SLC35F5: variants seen among roughly 807,000 people sequenced by gnomAD.
SLC35F5 encodes solute carrier family 35 member F5, also known as HCV NS5A-transactivated protein 3.
Under a neutral mutation model 68.6 loss-of-function variants are expected in SLC35F5, and 54 were observed. That is an observed-to-expected ratio of 0.79 (90% confidence interval 0.63 to 0.99). The LOEUF (loss-of-function observed/expected upper bound fraction) is 0.99, where lower values mean the gene tolerates loss of function less well. SLC35F5 is among the 50% of genes least tolerant of loss of function. The pLI, the probability that SLC35F5 is intolerant of heterozygous loss-of-function variation, is 0.00. For synonymous variants in SLC35F5, 211 were observed against 205.2 expected (o/e 1.03, Z -0.24); for missense variants, 567 against 626.9 (o/e 0.90, Z 1.02).
At chr2:113,755,578 G>A in intron 1 of SLC35F5, 34 bp from the exon 2 acceptor site, 1 of 1,559,368 alleles carries the variant, frequency 6.4e-7, no homozygotes, top group Non-Finnish European at 8.8e-7. Context: ...CTATGAAAAC[G>A]TGAATAACTC....
intron 10 of SLC35F5, among the ~76,000 whole-genome samples, chr2:113,729,869 G>A (rs1687815521): frequency 1.3e-5 from 2 of 151,962 alleles, no homozygotes; most frequent in East Asian, 3.8e-4. Flanking sequence ...TTGACACCTG[G>A]CATTTTCCAA....
chr2:113,733,293 C>T lies in SLC35F5; in HGVS notation c.920+1293G>A, dbSNP rs542591792. On this transcript the variant is annotated intron_variant, in intron 9 of 15. Coordinates refer to ENST00000245680, the MANE Select transcript of SLC35F5 (RefSeq NM_025181.5). ...TTTACAAAACCAGCAGCTGACCCAACATAGTTTGCCAACCTCTGTTCGTCT... is the reference window on the plus strand; with the variant it reads ...TTTACAAAACCAGCAGCTGACCCAATATAGTTTGCCAACCTCTGTTCGTCT... The T allele has an allele frequency of 3.6e-5, 9 of 252,458 alleles. No individual in the cohort carries two copies. In the East Asian group the frequency reaches 1.1e-3, roughly 31 times the overall value. The allele number at this position is 252,458 out of a possible 1,614,324, so 15.6% of individuals were successfully genotyped here.
chr2:113,743,453 ATGTG>A (rs1022346676), intron 6 of SLC35F5, among the ~76,000 whole-genome samples: 9 of 152,176 alleles, frequency 5.9e-5, no homozygotes, highest in African/African-American at 2.2e-4. Flanking sequence ...CGTGTGATGC[ATGTG>A]TGTATGTGTG....
chr2:113,727,870 A>G (rs17632133), intron 11 of SLC35F5, among the ~76,000 whole-genome samples: 5,816 of 152,320 alleles, frequency 0.038, 164 homozygotes, highest in Non-Finnish European at 0.058. Flanking sequence ...CAAGTTGTCA[A>G]TGTATAAATT....
chr2:113,742,944 T>C (rs540622828), intron 6 of SLC35F5, 65 bp from the exon 7 acceptor site: 11 of 1,432,470 alleles, frequency 7.7e-6, no homozygotes, highest in Admixed American at 1.8e-5. Context: ...TCACAAGTTT[T>C]AATTTACTGA....
chr2:113,737,180 C>T (rs1056680055), intron 7 of SLC35F5, among the ~76,000 whole-genome samples: 4 of 152,310 alleles, frequency 2.6e-5, no homozygotes, highest in African/African-American at 9.6e-5. Flanking sequence ...CGATCTCTCT[C>T]AGAGCTTGTG....
Position 113,711,894 on chromosome 2 carries a change from C to A in SLC35F5, c.*3324G>T, listed in dbSNP as rs1686999888. On this transcript the variant is annotated 3_prime_UTR_variant, in exon 16 of 16. Coordinates refer to ENST00000245680, the MANE Select transcript of SLC35F5 (RefSeq NM_025181.5). ...TCTAATTAATTCCTCCTTTATCCTTCTTTAAAAACATTTTATTTCTTCAAC... is the reference window on the plus strand; with the variant it reads ...TCTAATTAATTCCTCCTTTATCCTTATTTAAAAACATTTTATTTCTTCAAC... Among the ~76,000 whole-genome samples the A allele has an allele frequency of 1.3e-5, 2 of 152,180 alleles. No individual in the cohort carries two copies. Among genetic ancestry groups the A allele is most frequent in the Non-Finnish European group, 2.9e-5 (2 of 68,014 alleles).
At chr2:113,729,808 T>C (rs905107888) in intron 10 of SLC35F5, among the ~76,000 whole-genome samples, 1 of 152,208 alleles carries the variant, frequency 6.6e-6, no homozygotes, top group African/African-American at 2.4e-5. Flanking sequence ...AGTAACACTT[T>C]GTTTTTAATT....
At chr2:113,736,618 A>G (rs1308816891) in intron 7 of SLC35F5, among the ~76,000 whole-genome samples, 2 of 152,204 alleles carry the variant, frequency 1.3e-5, no homozygotes, top group African/African-American at 4.8e-5. Context: ...CTAGCTAGCT[A>G]GCTGGATTGA....
intron 7 of SLC35F5, among the ~76,000 whole-genome samples, chr2:113,739,663 T>C (rs554629537): frequency 6.6e-6 from 1 of 152,326 alleles, no homozygotes; most frequent in South Asian, 2.1e-4. Flanking sequence ...AGGACTAAAA[T>C]GTATTAATTA....
downstream of SLC35F5, among the ~76,000 whole-genome samples, chr2:113,704,669 G>A (rs963250831): frequency 6.6e-6 from 1 of 151,868 alleles, no homozygotes; most frequent in African/African-American, 2.4e-5. Flanking sequence ...CTCATTGCCC[G>A]GGGCCGGCAG....
rs1160017981 is a variant in SLC35F5, at chr2:113,734,572, C to T, written c.920+14G>A. ...TTTAAGCAGAGCAAACTAGCTATCACACTATATGCTTACCTTAAAATTACA... is the reference window on the plus strand; with the variant it reads ...TTTAAGCAGAGCAAACTAGCTATCATACTATATGCTTACCTTAAAATTACA... On this transcript the variant is annotated intron_variant, in intron 9 of 15. Transcript: ENST00000245680. The T allele has an allele frequency of 1.4e-6, 2 of 1,435,418 alleles. No individual in the cohort carries two copies. Among genetic ancestry groups the T allele is most frequent in the Non-Finnish European group, 1.9e-6 (2 of 1,026,926 alleles). 88.9% of individuals were successfully genotyped at this position (1,435,418 alleles called of 1,614,324 possible).
intron 1 of SLC35F5, chr2:113,755,774 T>C: frequency 2.2e-6 from 3 of 1,381,242 alleles, no homozygotes; most frequent in South Asian, 1.2e-5. Context: ...GGGAGTAATA[T>C]ACAACATACG....
At position 113,714,336 on chromosome 2, in the gene SLC35F5, C is replaced by G. The variant is rs1477274811; in HGVS notation, c.*882G>C. The G allele has an allele frequency of 6.6e-6, 1 of 152,082 alleles. No homozygotes were observed. The highest frequency in any genetic ancestry group is 1.5e-5 in the Non-Finnish European group (1 of 67,954). 9.4% of individuals were successfully genotyped at this position (152,082 alleles called of 1,614,324 possible). The stretch of plus-strand genomic sequence containing the variant: ...GAAAAAAATTAGAAATCACTTGATA[C>G]ATCTACAATACACAAATAGACGTAT... On this transcript the variant is annotated 3_prime_UTR_variant, in exon 16 of 16. Coordinates refer to ENST00000245680, the MANE Select transcript of SLC35F5 (RefSeq NM_025181.5).
intron 11 of SLC35F5, among the ~76,000 whole-genome samples, chr2:113,726,894 TTTCC>T (rs1687686648): frequency 6.6e-6 from 1 of 152,168 alleles, no homozygotes; most frequent in Non-Finnish European, 1.5e-5. Context: ...ACTGCAAGTT[TTTCC>T]TTCAGTGAAC....
Position 113,731,583 on chromosome 2 carries a change from C to T in SLC35F5, c.985+1G>A. ...GAGAGAATCCAGAGTCCAGTACTTA[C>T]CTACTGTGTCTCTTCCAGCAGGTTT... On this transcript the variant is annotated splice_donor_variant, in intron 10 of 15. Coordinates refer to ENST00000245680, the MANE Select transcript of SLC35F5 (RefSeq NM_025181.5). LOFTEE classifies it high-confidence loss of function. 6.2e-7 allele frequency: 1 copy of T among 1,611,300 alleles called. No individual in the cohort carries two copies. The highest frequency in any genetic ancestry group is 1.1e-5 in the South Asian group (1 of 91,024).
At chr2:113,718,771 G>C (rs937050712) in intron 14 of SLC35F5, among the ~76,000 whole-genome samples, 1 of 151,186 alleles carries the variant, frequency 6.6e-6, no homozygotes, top group African/African-American at 2.4e-5. Context: ...CTCCAGGCTG[G>C]GCTACAGAGC....
At chr2:113,705,653 T>A (rs1432528737), downstream of SLC35F5, 1 of 152,146 alleles carries the variant, frequency 6.6e-6, no homozygotes. Flanking sequence ...AATTAGTAGA[T>A]GAAGAAAGAA....
rs1341754959 is a variant in SLC35F5, at chr2:113,714,303, T to G, written c.*915A>C. 1 of 152,106 alleles carries G rather than the reference T, an allele frequency of 6.6e-6. No homozygotes were observed. Among genetic ancestry groups the G allele is most frequent in the Non-Finnish European group, 1.5e-5 (1 of 67,968 alleles). The allele number at this position is 152,106 out of a possible 1,614,324, so 9.4% of individuals were successfully genotyped here. ...CTAGTTCTAGAGTAATCTGGCACAT[T>G]CATATGTGAAAAAAATTAGAAATCA... On this transcript the variant is annotated 3_prime_UTR_variant, in exon 16 of 16. Transcript: ENST00000245680.
Sources: allele counts gnomAD v4.1 joint callset (sites outside exome capture counted in the v4.1 genomes callset), GRCh38; gene constraint gnomAD v4.1.1; transcripts MANE v1.5; gene names NCBI Gene and HGNC (gene_info 2026-07-23, HGNC 2026-07-21).